The following ZNF570 variants were observed in gnomAD, a reference collection of about 807,000 sequenced individuals.
ZNF570 encodes the protein zinc finger protein 570.
In ZNF570, 8 loss-of-function variants were observed where a neutral mutation model predicts 14.2. The observed-to-expected ratio is 0.56, with a 90% CI of 0.33 to 1.02. The LOEUF is 1.02. ZNF570 is among the 50% of genes least tolerant of loss of function. ZNF570 has a pLI of 0.03. For missense variants in ZNF570, 559 were observed against 624.9 expected (o/e 0.89, Z 1.12); for synonymous variants, 202 against 207.6 (o/e 0.97, Z 0.23).
At position 37,485,477 on chromosome 19, in the gene ZNF570, A is replaced by C. The variant is rs1222030768; in HGVS notation, c.*244A>C. 2.7e-6 allele frequency: 1 copy of C among 370,876 alleles called. No homozygotes were observed. The highest frequency in any genetic ancestry group is 4.2e-5 in the Admixed American group (1 of 23,536). The allele number at this position is 370,876 out of a possible 1,614,324, so 23.0% of individuals were successfully genotyped here. A position where few individuals can be genotyped will look rare whatever the true frequency, so the allele number is the denominator to read the frequency against. On this transcript the variant is annotated 3_prime_UTR_variant, in exon 5 of 5. Transcript: ENST00000330173. ...GGCTGGAGTACAGTGGGACGATCTC[A>C]GCTCACTGCAACCTCTGACTCCCAG...
At position 37,484,469 on chromosome 19, in the gene ZNF570, T is replaced by C. The variant is rs1233390152; in HGVS notation, c.847T>C (p.Phe283Leu). ...TGAATGTAAGGAATGTAGGAAAGCC[T>C]TCAGTCAGAATGCACACCTAGTTCA... is the stretch of plus-strand genomic sequence containing the variant. ...PYECKECRKA[F>L]SQNAHLVQHL... The change falls in exon 5 of 5, where the codon TTC becomes CTC. Residue 283 changes from phenylalanine to leucine, a missense_variant. Transcript: ENST00000330173. 6.2e-7 allele frequency: 1 copy of C among 1,613,794 alleles called. No homozygotes were observed. Among genetic ancestry groups the C allele is most frequent in the African/African-American group, 1.3e-5 (1 of 74,866 alleles).
At chr19:37,483,792 A>T in intron 4 of ZNF570, 87 bp from the exon 5 acceptor site, 1 of 1,372,754 alleles carries the variant, frequency 7.3e-7, no homozygotes, top group South Asian at 1.5e-5. Context: ...TATTTAATTC[A>T]CATATTTTAC....
rs139724242 is a variant in ZNF570, at chr19:37,478,927, A to G, written c.256+2493A>G. On this transcript the variant is annotated intron_variant, in intron 4 of 4. Coordinates refer to ENST00000330173, the MANE Select transcript of ZNF570 (RefSeq NM_144694.5). ...CCAATATTTTGTTTGGGTGTTTTGCATCTGTATTTATTAGTGAATTTGATC... is the reference window on the plus strand; with the variant it reads ...CCAATATTTTGTTTGGGTGTTTTGCGTCTGTATTTATTAGTGAATTTGATC... Among the ~76,000 whole-genome samples the G allele has an allele frequency of 5.0e-3, 751 of 151,184 alleles. 14 individuals are homozygous for G. The highest frequency in any genetic ancestry group is 0.016 in the African/African-American group (676 of 41,460).
Position 37,485,046 on chromosome 19 carries a change from G to T in ZNF570, c.1424G>T (p.Cys475Phe). The T allele has an allele frequency of 6.2e-7, 1 of 1,614,068 alleles. No homozygotes were observed. The highest frequency in any genetic ancestry group is 1.1e-5 in the South Asian group (1 of 91,084). ...GAGAAACCTTATGAATGTACTGTTT[G>T]TGGAAAGGCTTTTAGTTACTGTGGA... is the stretch of plus-strand genomic sequence containing the variant. ...TGEKPYECTV[C>F]GKAFSYCGSL... Residue 475 changes from cysteine (C) to phenylalanine (F), a missense_variant, in exon 5 of 5, where the codon TGT becomes TTT. Coordinates refer to ENST00000330173, the MANE Select transcript of ZNF570 (RefSeq NM_144694.5).
chr19:37,469,043 A>C, upstream of ZNF570: 2 of 991,676 alleles, frequency 2.0e-6, no homozygotes, highest in Non-Finnish European at 1.2e-6. Flanking sequence ...GGAGGCGCGC[A>C]GAGCGCTTGT....
In ZNF570 at chr19:37,488,602, T is replaced by C. The variant is rs2042180303; in HGVS notation, c.*3369T>C. 1 of 152,230 alleles carries C rather than the reference T, an allele frequency of 6.6e-6. No individual in the cohort carries two copies. The highest frequency in any genetic ancestry group is 1.5e-5 in the Non-Finnish European group (1 of 68,036). 9.4% of individuals were successfully genotyped at this position (152,230 alleles called of 1,614,324 possible). On this transcript the variant is annotated 3_prime_UTR_variant, in exon 5 of 5. Transcript: ENST00000330173. The stretch of plus-strand genomic sequence containing the variant: ...TGAGTCAGTTCTTACTCTCTGTATC[T>C]TTCTGTATAAACTATTTCATAATGC...
In ZNF570 at chr19:37,487,052, G is replaced by C. The variant is rs951246133; in HGVS notation, c.*1819G>C. Reference sequence around the variant, plus strand: ...CCCCATCTCTACTAAAAATATAACAGTTAGCCAGGTGTGGTGGCGCACGCC... The same window carrying C: ...CCCCATCTCTACTAAAAATATAACACTTAGCCAGGTGTGGTGGCGCACGCC... On this transcript the variant is annotated 3_prime_UTR_variant, in exon 5 of 5. Transcript: ENST00000330173. The C allele has an allele frequency of 6.6e-6, 1 of 151,556 alleles. No homozygotes were observed. Among genetic ancestry groups the C allele is most frequent in the African/African-American group, 2.4e-5 (1 of 41,278 alleles). 9.4% of individuals were successfully genotyped at this position (151,556 alleles called of 1,614,324 possible).
At position 37,484,616 on chromosome 19, in the gene ZNF570, T is replaced by C; in HGVS notation, c.994T>C (p.Cys332Arg). The C allele has an allele frequency of 6.2e-7, 1 of 1,614,010 alleles. No homozygotes were observed. The highest frequency in any genetic ancestry group is 8.5e-7 in the Non-Finnish European group (1 of 1,179,950). ...TCACACGGGAGAGAAACCCTATGAATGTATCGAATGTGGGAAAGCATTTAG... is the reference window on the plus strand; with the variant it reads ...TCACACGGGAGAGAAACCCTATGAACGTATCGAATGTGGGAAAGCATTTAG... Reference protein sequence around the residue: ...RVHTGEKPYECIECGKAFSNR... With the variant: ...RVHTGEKPYERIECGKAFSNR... The change falls in exon 5 of 5, where the codon TGT (cysteine) becomes CGT (arginine). Residue 332 changes from cysteine to arginine, a missense_variant. Coordinates refer to ENST00000330173, the MANE Select transcript of ZNF570 (RefSeq NM_144694.5).
rs751713682 is a variant in ZNF570 at position 37,476,317 on chromosome 19, CTT to C, written c.161-13_161-12del. On this transcript the variant is annotated intron_variant, in intron 3 of 4. Transcript: ENST00000330173. ...ATATCCACAGCATGACAAAACTCTA[CTT>C]TTTTTTTTCGTATTTGCAGGACTTT... 2 of 1,339,450 alleles carry C rather than the reference CTT, an allele frequency of 1.5e-6. No individual in the cohort carries two copies. Among genetic ancestry groups the C allele is most frequent in the South Asian group, 1.4e-5 (1 of 70,320 alleles). The allele number at this position is 1,339,450 out of a possible 1,614,324, so 83.0% of individuals were successfully genotyped here. A position where few individuals can be genotyped will look rare whatever the true frequency, so the allele number is the denominator to read the frequency against.
chr19:37,488,153 G>A lies in ZNF570; in HGVS notation c.*2920G>A, dbSNP rs2042175762. 6.6e-6 allele frequency: 1 copy of A among 152,110 alleles called. No individual in the cohort carries two copies. The highest frequency in any genetic ancestry group is 1.5e-5 in the Non-Finnish European group (1 of 68,034). 9.4% of individuals were successfully genotyped at this position (152,110 alleles called of 1,614,324 possible). A position where few individuals can be genotyped will look rare whatever the true frequency, so the allele number is the denominator to read the frequency against. The stretch of plus-strand genomic sequence containing the variant: ...GTGTTTCAAGGAGATACATATGATG[G>A]TCCATTGCAGAACTGTGAGAATGAG... On this transcript the variant is annotated 3_prime_UTR_variant, in exon 5 of 5. Coordinates refer to ENST00000330173, the MANE Select transcript of ZNF570 (RefSeq NM_144694.5).
intron 4 of ZNF570, among the ~76,000 whole-genome samples, chr19:37,482,381 G>A (rs963976322): frequency 3.3e-5 from 5 of 152,194 alleles, no homozygotes; most frequent in African/African-American, 9.7e-5. Context: ...TTCCAATTAT[G>A]GCAGAAGGTG....
chr19:37,481,815 G>A (rs559212180), intron 4 of ZNF570, among the ~76,000 whole-genome samples: 1 of 152,320 alleles, frequency 6.6e-6, no homozygotes, highest in African/African-American at 2.4e-5. Flanking sequence ...CCCAGCTTCA[G>A]TTCCACCTTA....
At chr19:37,482,832 T>C (rs2042102720) in intron 4 of ZNF570, among the ~76,000 whole-genome samples, 1 of 151,420 alleles carries the variant, frequency 6.6e-6, no homozygotes, top group Non-Finnish European at 1.5e-5. Context: ...TCTCTCTCTC[T>C]CTCTCTCTCT....
Position 37,485,439 on chromosome 19 carries a change from GC to G in ZNF570, c.*207del. 2.0e-6 allele frequency: 1 copy of G among 509,346 alleles called. No individual in the cohort carries two copies. The highest frequency in any genetic ancestry group is 3.4e-5 in the East Asian group (1 of 29,224). The allele number at this position is 509,346 out of a possible 1,614,324, so 31.6% of individuals were successfully genotyped here. ...TTTTTTCTTTTTGAGACAATGTCTT[GC>G]TGTGTTGCCCAGGCTGGAGTACAGT... On this transcript the variant is annotated 3_prime_UTR_variant, in exon 5 of 5. Transcript: ENST00000330173.
upstream of ZNF570, chr19:37,469,284 T>C: frequency 7.1e-7 from 1 of 1,412,850 alleles, no homozygotes. Context: ...CCGGACTACG[T>C]TTCCCAGCGG....
At chr19:37,477,565 C>T (rs2042042274) in intron 4 of ZNF570, among the ~76,000 whole-genome samples, 1 of 151,928 alleles carries the variant, frequency 6.6e-6, no homozygotes, top group Non-Finnish European at 1.5e-5. Context: ...TGGTCTCCAA[C>T]TCCTGATCTC....
chr19:37,470,278 T>C, intron 1 of ZNF570, 26 bp from the exon 2 acceptor site: 1 of 1,607,054 alleles, frequency 6.2e-7, no homozygotes, highest in Non-Finnish European at 8.5e-7. Flanking sequence ...AAAGTCTAGT[T>C]TCTCATGTTC....
At chr19:37,482,919 G>A (rs915959881) in intron 4 of ZNF570, among the ~76,000 whole-genome samples, 2 of 149,288 alleles carry the variant, frequency 1.3e-5, no homozygotes, top group African/African-American at 5.0e-5. Flanking sequence ...TAAAGAAGGT[G>A]CGTGCTTCCC....
In ZNF570 at chr19:37,485,097, A is replaced by G; in HGVS notation, c.1475A>G (p.His492Arg). The G allele has an allele frequency of 6.2e-7, 1 of 1,614,102 alleles. No individual in the cohort carries two copies. Among genetic ancestry groups the G allele is most frequent in the Non-Finnish European group, 8.5e-7 (1 of 1,180,010 alleles). Reference sequence around the variant, plus strand: ...TCCCTTGCCCAACATCAGAGAATTCATACTGGAGAGAGACCCTATGAATGT... The same window carrying G: ...TCCCTTGCCCAACATCAGAGAATTCGTACTGGAGAGAGACCCTATGAATGT... Reference protein sequence around the residue: ...CGSLAQHQRIHTGERPYECKE... With the variant: ...CGSLAQHQRIRTGERPYECKE... Residue 492 changes from histidine (H) to arginine (R), a missense_variant, in exon 5 of 5, where the codon CAT becomes CGT. Physicochemically the swap from His to Arg is conservative, Grantham distance 29 (BLOSUM62 0). Transcript: ENST00000330173.
Sources: allele counts gnomAD v4.1 joint callset (sites outside exome capture counted in the v4.1 genomes callset), GRCh38; gene constraint gnomAD v4.1.1; transcripts MANE v1.5; gene names NCBI Gene and HGNC (gene_info 2026-07-23, HGNC 2026-07-21).